KCNAB1: variants seen among roughly 807,000 people sequenced by gnomAD.
The protein encoded by KCNAB1 is potassium voltage-gated channel subfamily A regulatory beta subunit 1.
Under a neutral mutation model 64.6 loss-of-function variants are expected in KCNAB1, and 35 were observed. The ratio of observed to expected loss-of-function variants is 0.54; its 90% CI spans 0.41 to 0.72. The LOEUF (loss-of-function observed/expected upper bound fraction) is 0.72, where lower values mean the gene tolerates loss of function less well. Ranked by LOEUF, KCNAB1 falls within the 30% of genes least tolerant of loss-of-function variation. The probability of loss-of-function intolerance (pLI) is 0.00; values close to 1 mark genes in which losing one functional copy is unlikely to be tolerated. For synonymous variants in KCNAB1, 177 were observed against 183.8 expected, an observed-to-expected ratio of 0.96 and a Z score of 0.30; for missense variants, 401 against 512.9, an observed-to-expected ratio of 0.78 and a Z score of 2.11.
chr3:156,253,847 C>T (rs1397427158), intron 1 of KCNAB1, among the ~76,000 whole-genome samples: 1 of 152,232 alleles, frequency 6.6e-6, no homozygotes, highest in Non-Finnish European at 1.5e-5. Flanking sequence ...CTGTGTGATT[C>T]TGATGCCAGC....
chr3:156,338,228 T>C (rs945277556), intron 1 of KCNAB1, among the ~76,000 whole-genome samples: 1 of 151,064 alleles, frequency 6.6e-6, no homozygotes, highest in Non-Finnish European at 1.5e-5. Flanking sequence ...CTCTCTTTTC[T>C]TCCTTTTAGG....
At chr3:156,295,175 T>C (rs1032640559) in intron 1 of KCNAB1, among the ~76,000 whole-genome samples, 1 of 152,186 alleles carries the variant, frequency 6.6e-6, no homozygotes, top group Non-Finnish European at 1.5e-5. Context: ...GCCAACTTAG[T>C]TGATCCATTT....
intron 1 of KCNAB1, among the ~76,000 whole-genome samples, chr3:156,152,706 T>G (rs1715486031): frequency 6.6e-6 from 1 of 152,214 alleles, no homozygotes; most frequent in South Asian, 2.1e-4. Flanking sequence ...TTTGAAGGGT[T>G]TGTAACAGGT....
intron 1 of KCNAB1, among the ~76,000 whole-genome samples, chr3:156,228,896 C>A (rs1006908366): frequency 6.6e-6 from 1 of 152,150 alleles, no homozygotes; most frequent in African/African-American, 2.4e-5. Flanking sequence ...TGGGCAAGCC[C>A]GCCTCTGAGT....
At chr3:156,136,847 AG>A (rs1324548266) in intron 1 of KCNAB1, among the ~76,000 whole-genome samples, 1 of 152,182 alleles carries the variant, frequency 6.6e-6, no homozygotes, top group Non-Finnish European at 1.5e-5. Flanking sequence ...AAAGTAGGTG[AG>A]GAGAGTTTTT....
At chr3:156,435,432 T>C (rs1716523164) in intron 2 of KCNAB1, among the ~76,000 whole-genome samples, 1 of 152,198 alleles carries the variant, frequency 6.6e-6, no homozygotes, top group South Asian at 2.1e-4. Context: ...TCAGTCTCTA[T>C]AGTTTGTTAA....
At chr3:156,242,969 G>A (rs1454264817) in intron 1 of KCNAB1, among the ~76,000 whole-genome samples, 1 of 151,896 alleles carries the variant, frequency 6.6e-6, no homozygotes, top group African/African-American at 2.4e-5. Context: ...GAGTGCAATG[G>A]CACAATCTCA....
intron 2 of KCNAB1, among the ~76,000 whole-genome samples, chr3:156,428,715 C>T (rs753611972): frequency 3.9e-5 from 6 of 152,106 alleles, no homozygotes; most frequent in Non-Finnish European, 8.8e-5. Context: ...CAGCTGAGCA[C>T]ATATTAAACC....
intron 1 of KCNAB1, among the ~76,000 whole-genome samples, chr3:156,186,202 T>G (rs1319245866): frequency 6.6e-6 from 1 of 152,254 alleles, no homozygotes; most frequent in Non-Finnish European, 1.5e-5. Context: ...GTTTCATCTC[T>G]CTTTTCAAGT....
At chr3:156,495,786 C>T (rs532899338) in intron 8 of KCNAB1, among the ~76,000 whole-genome samples, 2 of 152,262 alleles carry the variant, frequency 1.3e-5, no homozygotes, top group African/African-American at 4.8e-5. Context: ...CATTGCTAGG[C>T]ACCTTACAGG....
intron 2 of KCNAB1, among the ~76,000 whole-genome samples, chr3:156,427,723 A>G (rs964448393): frequency 2.0e-5 from 3 of 152,208 alleles, no homozygotes; most frequent in Non-Finnish European, 4.4e-5. Context: ...AGAGAGGCCC[A>G]GCATCAGGGA....
chr3:156,282,539 T>C lies in KCNAB1; in HGVS notation c.276-139077T>C, dbSNP rs1412093048. ...GTATCCTTGTTGACTTTCTGTCTCG[T>C]TGATCTGTCTAATGTTGACAGTGGG... On this transcript the variant is annotated intron_variant, in intron 1 of 13. Coordinates refer to ENST00000490337, the MANE Select transcript of KCNAB1 (RefSeq NM_172160.3). 3.3e-5 allele frequency among the ~76,000 whole-genome samples: 5 copies of C among 149,408 alleles called. 1 individual carries two copies. Among genetic ancestry groups the C allele is most frequent in the Middle Eastern group, 3.4e-3 (1 of 290 alleles).
At chr3:156,226,981 C>T (rs1445451391) in intron 1 of KCNAB1, among the ~76,000 whole-genome samples, 1 of 152,172 alleles carries the variant, frequency 6.6e-6, no homozygotes, top group African/African-American at 2.4e-5. Flanking sequence ...AAAAAACACA[C>T]AGCCTGGAGC....
At chr3:156,124,537 G>A (rs981485815) in intron 1 of KCNAB1, among the ~76,000 whole-genome samples, 7 of 151,874 alleles carry the variant, frequency 4.6e-5, no homozygotes, top group Non-Finnish European at 7.4e-5. Context: ...TTCTAGAAGT[G>A]CAATTAATGG....
At chr3:156,143,492 G>A in intron 1 of KCNAB1, 1 of 1,038,842 alleles carries the variant, frequency 9.6e-7, no homozygotes, top group Non-Finnish European at 1.3e-6. Context: ...AAGAAATAAG[G>A]ACTGAAATAG....
intron 1 of KCNAB1, among the ~76,000 whole-genome samples, chr3:156,348,930 G>A (rs1238476782): frequency 6.6e-6 from 1 of 152,174 alleles, no homozygotes; most frequent in African/African-American, 2.4e-5. Context: ...GCCACTGACT[G>A]TATTTTGATG....
intron 1 of KCNAB1, among the ~76,000 whole-genome samples, chr3:156,380,429 T>C (rs1712063155): frequency 6.6e-6 from 1 of 152,228 alleles, no homozygotes; most frequent in Non-Finnish European, 1.5e-5. Flanking sequence ...TTTTGAAGCC[T>C]TTCAATTTAG....
chr3:156,416,429 CTGTT>C (rs1715083121), intron 1 of KCNAB1, among the ~76,000 whole-genome samples: 1 of 152,186 alleles, frequency 6.6e-6, no homozygotes, highest in Admixed American at 6.5e-5. Flanking sequence ...GCTGTTCACT[CTGTT>C]TGAAATGCTG....
At chr3:156,326,573 C>T (rs1722978288) in intron 1 of KCNAB1, among the ~76,000 whole-genome samples, 1 of 152,130 alleles carries the variant, frequency 6.6e-6, no homozygotes, top group African/African-American at 2.4e-5. Context: ...CTAGCAACTT[C>T]TCCAACCTCA....
Sources: allele counts gnomAD v4.1 joint callset (sites outside exome capture counted in the v4.1 genomes callset), GRCh38; gene constraint gnomAD v4.1.1; transcripts MANE v1.5; gene names NCBI Gene and HGNC (gene_info 2026-07-23, HGNC 2026-07-21).